ABCG1: variants seen among roughly 807,000 people sequenced by gnomAD.
The protein encoded by ABCG1 is ATP binding cassette subfamily G member 1, also known as ATP-binding cassette sub-family G member 1.
In ABCG1, 29 loss-of-function variants were observed where a neutral mutation model predicts 69.2. The observed-to-expected ratio is 0.42, with a 90% CI of 0.31 to 0.57. The LOEUF (loss-of-function observed/expected upper bound fraction) is 0.57. ABCG1 is among the 20% of genes least tolerant of loss of function. The pLI is 0.15. For synonymous variants in ABCG1, 370 were observed against 374.8 expected (o/e 0.99, Z 0.15); for missense variants, 718 against 898.1 (o/e 0.80, Z 2.56).
chr21:42,222,082 C>T (rs1042735559), intron 1 of ABCG1, among the ~76,000 whole-genome samples: 3 of 152,094 alleles, frequency 2.0e-5, no homozygotes, highest in Non-Finnish European at 4.4e-5. Context: ...CAGCACAAAT[C>T]GTATGTGGCC....
At chr21:42,231,343 T>A (rs1245715813) in intron 2 of ABCG1, among the ~76,000 whole-genome samples, 1 of 152,242 alleles carries the variant, frequency 6.6e-6, no homozygotes, top group East Asian at 1.9e-4. Context: ...GGCCTCCACA[T>A]GGTGACGCTC....
intron 2 of ABCG1, among the ~76,000 whole-genome samples, chr21:42,210,824 C>T (rs1025864124): frequency 1.3e-5 from 2 of 152,164 alleles, no homozygotes; most frequent in African/African-American, 4.8e-5. Flanking sequence ...AAGGGGTCCT[C>T]TCTATAGCTG....
chr21:42,202,493 T>A (rs1163395386), intron 2 of ABCG1, among the ~76,000 whole-genome samples: 1 of 151,824 alleles, frequency 6.6e-6, no homozygotes, highest in Non-Finnish European at 1.5e-5. Context: ...AGGGGTGTGA[T>A]CTCAGGGTGC....
chr21:42,286,070 C>A (rs375006437), intron 8 of ABCG1, 76 bp downstream of exon 8: 78 of 990,894 alleles, frequency 7.9e-5, no homozygotes, highest in East Asian at 7.4e-4. Context: ...TTAGCTGACG[C>A]CCCCAACTCA....
In ABCG1 at chr21:42,291,386, T is replaced by A. The variant is rs910757327; in HGVS notation, c.1495-112T>A. On this transcript the variant is annotated intron_variant, in intron 12 of 14. Coordinates refer to ENST00000398449, the MANE Select transcript of ABCG1 (RefSeq NM_016818.3). The surrounding 1 kb of genome is among the most constrained non-coding windows in gnomAD (Gnocchi z 6.4). Reference sequence around the variant, plus strand: ...GTGGGGAGTGGGGAAGGACCCGACTTTGGGAGCTCTGGCGGGAGCTGCGGG... The same window carrying A: ...GTGGGGAGTGGGGAAGGACCCGACTATGGGAGCTCTGGCGGGAGCTGCGGG... The A allele has an allele frequency of 1.4e-6, 2 of 1,449,866 alleles. No individual in the cohort carries two copies. The highest frequency in any genetic ancestry group is 1.4e-5 in the African/African-American group (1 of 71,250). 89.8% of individuals were successfully genotyped at this position (1,449,866 alleles called of 1,614,324 possible).
At chr21:42,216,591 A>C (rs1013982912), upstream of ABCG1, among the ~76,000 whole-genome samples, 1 of 152,160 alleles carries the variant, frequency 6.6e-6, no homozygotes, top group Non-Finnish European at 1.5e-5. Context: ...CCATGCAGAG[A>C]CAGCCTGCCA....
chr21:42,231,427 G>T (rs1286320767), intron 2 of ABCG1, among the ~76,000 whole-genome samples: 2 of 152,200 alleles, frequency 1.3e-5, no homozygotes, highest in African/African-American at 4.8e-5. Flanking sequence ...ACCAGGAAGG[G>T]GTTAAATATT....
At chr21:42,293,885 C>G (rs560873037) in intron 13 of ABCG1, among the ~76,000 whole-genome samples, 1 of 151,054 alleles carries the variant, frequency 6.6e-6, no homozygotes, top group Non-Finnish European at 1.5e-5. Flanking sequence ...CCACACACCA[C>G]ACACTCCACA....
chr21:42,243,106 C>G (rs2068075796), intron 2 of ABCG1, among the ~76,000 whole-genome samples: 1 of 152,174 alleles, frequency 6.6e-6, no homozygotes, highest in Admixed American at 6.5e-5. Context: ...GCCCTGCTCT[C>G]CCATGGTCAG....
Position 42,219,395 on chromosome 21 carries a change from C to T in ABCG1, c.42+91C>T, listed in dbSNP as rs1486512399. 2 of 1,518,724 alleles carry T rather than the reference C, an allele frequency of 1.3e-6. No individual in the cohort carries two copies. The highest frequency in any genetic ancestry group is 1.8e-6 in the Non-Finnish European group (2 of 1,133,770). 94.1% of individuals were successfully genotyped at this position (1,518,724 alleles called of 1,614,324 possible). A position where few individuals can be genotyped will look rare whatever the true frequency, so the allele number is the denominator to read the frequency against. ...AAGACTCGCAAGCTCGACCTGACACCCCTCCCAGGAGCGCGTCCTCTGGGC... is the reference window on the plus strand; with the variant it reads ...AAGACTCGCAAGCTCGACCTGACACTCCTCCCAGGAGCGCGTCCTCTGGGC... On this transcript the variant is annotated intron_variant, in intron 1 of 14. Coordinates refer to ENST00000398449, the MANE Select transcript of ABCG1 (RefSeq NM_016818.3). The surrounding 1 kb of genome is among the most constrained non-coding windows in gnomAD (Gnocchi z 5.3).
chr21:42,246,805 T>G (rs2068140578), intron 2 of ABCG1, among the ~76,000 whole-genome samples: 1 of 152,212 alleles, frequency 6.6e-6, no homozygotes, highest in Non-Finnish European at 1.5e-5. Flanking sequence ...ATTCTGGTAC[T>G]GCCACATCTA....
chr21:42,231,863 T>C (rs192816752), intron 2 of ABCG1, among the ~76,000 whole-genome samples: 140 of 152,356 alleles, frequency 9.2e-4, no homozygotes, highest in African/African-American at 3.3e-3. Flanking sequence ...GGACATTTCT[T>C]TTAGTCCTTT....
chr21:42,209,898 G>A (rs376733189), intron 2 of ABCG1, among the ~76,000 whole-genome samples: 15 of 152,308 alleles, frequency 9.8e-5, no homozygotes, highest in South Asian at 4.1e-4. Flanking sequence ...TTAAAGAGCC[G>A]CCATCTGGCT....
intron 2 of ABCG1, among the ~76,000 whole-genome samples, chr21:42,229,010 C>T (rs536272697): frequency 8.5e-5 from 13 of 152,334 alleles, no homozygotes; most frequent in Middle Eastern, 6.8e-3. Flanking sequence ...CCTCCTGGTC[C>T]GCCTCTGCGC....
chr21:42,260,895 T>C (rs1159573769), intron 2 of ABCG1, among the ~76,000 whole-genome samples: 1 of 152,026 alleles, frequency 6.6e-6, no homozygotes, highest in African/African-American at 2.4e-5. Flanking sequence ...CTCAGCTCAC[T>C]GCAACCTCCT....
rs1458683554 is a variant in ABCG1, at chr21:42,285,978, C to G, written c.957C>G (p.His319Gln). The change falls in exon 8 of 15, where the codon CAC becomes CAG. Residue 319 changes from histidine to glutamine, a missense_variant. This residue lies in a region of ABCG1 where 514 missense variants were observed against 574.3 expected (regional missense o/e 0.90). Transcript: ENST00000398449. Reference protein sequence around the residue: ...RDLGLNCPTYHNPADFVMEVA... With the variant: ...RDLGLNCPTYQNPADFVMEVA... ...TGGGTCTGAACTGCCCAACCTACCA[C>G]AACCCAGCAGATTTTGGTAAGCGGA... 1 of 1,613,182 alleles carries G rather than the reference C, an allele frequency of 6.2e-7. No individual in the cohort carries two copies.
At chr21:42,283,557 G>A (rs868470656) in intron 6 of ABCG1, among the ~76,000 whole-genome samples, 4 of 152,166 alleles carry the variant, frequency 2.6e-5, no homozygotes, top group Non-Finnish European at 4.4e-5. Context: ...TGCCCCCATC[G>A]CCAGCCCCAT....
chr21:42,262,550 C>T (rs778193789), intron 2 of ABCG1, among the ~76,000 whole-genome samples: 3 of 152,126 alleles, frequency 2.0e-5, no homozygotes, highest in South Asian at 2.1e-4. Flanking sequence ...ATATTTCATG[C>T]GATATCAGAC....
At chr21:42,203,380 C>G (rs1241228455) in intron 2 of ABCG1, among the ~76,000 whole-genome samples, 2 of 152,174 alleles carry the variant, frequency 1.3e-5, no homozygotes, top group East Asian at 3.8e-4. Context: ...GCTCCGTATC[C>G]TAAAGATTTC....
Sources: allele counts gnomAD v4.1 joint callset (sites outside exome capture counted in the v4.1 genomes callset), GRCh38; gene constraint gnomAD v4.1.1; regional missense constraint gnomAD v4.1.1; non-coding constraint Gnocchi (gnomAD v3.1); transcripts MANE v1.5; gene names NCBI Gene and HGNC (gene_info 2026-07-23, HGNC 2026-07-21).